The following TENM3 variants were observed in gnomAD, a reference collection of about 807,000 sequenced individuals.
TENM3 encodes the protein teneurin transmembrane protein 3, also known as teneurin-3.
A neutral mutation model predicts 255.1 loss-of-function variants in TENM3; 63 were observed. That is an observed-to-expected ratio of 0.25 (90% confidence interval 0.20 to 0.30). TENM3 has a LOEUF of 0.30. Ranked by LOEUF, TENM3 falls within the 10% of genes least tolerant of loss-of-function variation. The probability of loss-of-function intolerance (pLI) is 1.00; values close to 1 mark genes in which losing one functional copy is unlikely to be tolerated. For synonymous variants in TENM3, 1,306 were observed against 1,322.3 expected (o/e 0.99, Z 0.27); for missense variants, 2,929 against 3,461.1 (o/e 0.85, Z 3.86).
At chr4:182,004,982 G>A in the TENM3 span, among the ~76,000 whole-genome samples, 6 of 152,180 alleles carry the variant, frequency 3.9e-5, no homozygotes, top group East Asian at 3.9e-4. Flanking sequence ...TTTGTCAGAC[G>A]GGTAGATTGC....
chr4:182,266,730 T>C (rs1432076316), intron 1 of TENM3, among the ~76,000 whole-genome samples: 1 of 152,184 alleles, frequency 6.6e-6, no homozygotes, highest in Non-Finnish European at 1.5e-5. Context: ...TTGGAGTCTA[T>C]TTGCATAAAT....
the TENM3 span, among the ~76,000 whole-genome samples, chr4:181,974,656 A>G: frequency 5.3e-5 from 8 of 152,162 alleles, no homozygotes; most frequent in Admixed American, 5.2e-4. Flanking sequence ...AACGGGTTCA[A>G]AGTCAGACCA....
At chr4:182,021,932 A>T in the TENM3 span, among the ~76,000 whole-genome samples, 3 of 152,322 alleles carry the variant, frequency 2.0e-5, no homozygotes, top group African/African-American at 7.2e-5. Context: ...ATCCTTATAC[A>T]TTGTTAGTGG....
chr4:182,337,921 A>G (rs1029565401), intron 2 of TENM3, among the ~76,000 whole-genome samples: 23 of 152,182 alleles, frequency 1.5e-4, no homozygotes, highest in Admixed American at 1.4e-3. Flanking sequence ...TCAAGAACAT[A>G]CAAAACTAAC....
At chr4:182,540,845 G>A (rs1340942759) in intron 3 of TENM3, among the ~76,000 whole-genome samples, 1 of 152,160 alleles carries the variant, frequency 6.6e-6, no homozygotes. Flanking sequence ...AGCTCCTAAC[G>A]AAGGAACTAA....
At chr4:182,617,484 G>A (rs1383526004) in intron 4 of TENM3, among the ~76,000 whole-genome samples, 8 of 152,090 alleles carry the variant, frequency 5.3e-5, no homozygotes, top group Non-Finnish European at 1.2e-4. Context: ...ATGTCATTTT[G>A]GAAAAGTCGT....
chr4:181,703,808 T>C, the TENM3 span, among the ~76,000 whole-genome samples: 1 of 150,794 alleles, frequency 6.6e-6, no homozygotes, highest in East Asian at 2.0e-4. Context: ...TTTTTTTTTC[T>C]TTTTCCTTAC....
At chr4:182,606,294 C>CG (rs1249159831) in intron 4 of TENM3, among the ~76,000 whole-genome samples, 1 of 151,998 alleles carries the variant, frequency 6.6e-6, no homozygotes, top group Non-Finnish European at 1.5e-5. Flanking sequence ...GAGGCCGAGG[C>CG]GGGTGGATCA....
chr4:181,603,076 G>A, the TENM3 span, among the ~76,000 whole-genome samples: 1 of 152,112 alleles, frequency 6.6e-6, no homozygotes, highest in Non-Finnish European at 1.5e-5. Flanking sequence ...CGTTTATTAG[G>A]GATGTAACCA....
the TENM3 span, among the ~76,000 whole-genome samples, chr4:181,766,828 C>T: frequency 1.3e-5 from 2 of 151,554 alleles, no homozygotes; most frequent in Middle Eastern, 7.0e-3. Context: ...AAAACATGAG[C>T]TTATCAAAAT....
At chr4:182,474,967 C>T (rs1348378381) in intron 3 of TENM3, among the ~76,000 whole-genome samples, 1 of 150,128 alleles carries the variant, frequency 6.7e-6, no homozygotes, top group African/African-American at 2.5e-5. Flanking sequence ...GAGACCTACT[C>T]GTATCTACAC....
chr4:181,832,738 A>G, the TENM3 span, among the ~76,000 whole-genome samples: 8 of 152,204 alleles, frequency 5.3e-5, no homozygotes, highest in African/African-American at 1.9e-4. Context: ...TTGGGATGGA[A>G]TTACTTTTAA....
chr4:181,788,193 TA>T, the TENM3 span, among the ~76,000 whole-genome samples: 1 of 152,206 alleles, frequency 6.6e-6, no homozygotes, highest in Non-Finnish European at 1.5e-5. Flanking sequence ...TGCTTAGATC[TA>T]AATCTGAATC....
At chr4:181,663,462 T>C in the TENM3 span, among the ~76,000 whole-genome samples, 25 of 152,306 alleles carry the variant, frequency 1.6e-4, no homozygotes, top group Non-Finnish European at 3.4e-4. Context: ...TGAAACTTCC[T>C]GTCCCTTAAT....
the TENM3 span, among the ~76,000 whole-genome samples, chr4:182,122,470 C>T: frequency 1.3e-5 from 2 of 152,166 alleles, no homozygotes; most frequent in African/African-American, 2.4e-5. Context: ...GTGGTATTAG[C>T]AGGTGTGAAT....
At chr4:182,579,210 T>G (rs564774250) in intron 3 of TENM3, among the ~76,000 whole-genome samples, 1 of 152,312 alleles carries the variant, frequency 6.6e-6, no homozygotes, top group South Asian at 2.1e-4. Context: ...GAAAATGCCA[T>G]GTTGGTTTTA....
chr4:181,581,252 C>A, the TENM3 span, among the ~76,000 whole-genome samples: 1 of 152,036 alleles, frequency 6.6e-6, no homozygotes, highest in Non-Finnish European at 1.5e-5. Context: ...ACCAGCCCGG[C>A]CAACATGGTG....
At chr4:181,831,968 T>TTGTGTGTGTGTGTGTG in the TENM3 span, among the ~76,000 whole-genome samples, 870 of 132,678 alleles carry the variant, frequency 6.6e-3, 3 homozygotes, top group Middle Eastern at 0.016. Flanking sequence ...ATATATTACA[T>TTGTGTGTGTGTGTGTG]TGTGTGTGTG....
the TENM3 span, among the ~76,000 whole-genome samples, chr4:182,025,063 T>C: frequency 4.8e-5 from 7 of 144,998 alleles, no homozygotes; most frequent in Non-Finnish European, 1.0e-4. Context: ...GAGTCTTGCT[T>C]TGTTGCCCAG....
Sources: allele counts gnomAD v4.1 joint callset (sites outside exome capture counted in the v4.1 genomes callset), GRCh38; gene constraint gnomAD v4.1.1; transcripts MANE v1.5; gene names NCBI Gene and HGNC (gene_info 2026-07-23, HGNC 2026-07-21).